The following AGTPBP1 variants were observed in gnomAD, a reference collection of about 807,000 sequenced individuals.
AGTPBP1 encodes ATP/GTP binding carboxypeptidase 1, also known as cytosolic carboxypeptidase 1.
A neutral mutation model predicts 143.9 loss-of-function variants in AGTPBP1; 70 were observed. The ratio of observed to expected loss-of-function variants is 0.49; its 90% CI spans 0.40 to 0.59. AGTPBP1 has a LOEUF of 0.59. AGTPBP1 is among the 20% of genes least tolerant of loss of function. AGTPBP1 has a pLI of 0.00. For missense variants in AGTPBP1, 1,229 were observed against 1,464.5 expected, an observed-to-expected ratio of 0.84 and a Z score of 2.62; for synonymous variants, 463 against 500.2, an observed-to-expected ratio of 0.93 and a Z score of 0.99.
intron 1 of AGTPBP1, among the ~76,000 whole-genome samples, chr9:85,724,968 C>T (rs1256089772): frequency 6.6e-6 from 1 of 152,170 alleles, no homozygotes; most frequent in Admixed American, 6.5e-5. Flanking sequence ...TATAATGGCA[C>T]ACAGTATCTA....
chr9:85,682,172 T>TAAAAAAAAAAAAAAAAAA (rs745339958), intron 3 of AGTPBP1, among the ~76,000 whole-genome samples: 1 of 85,830 alleles, frequency 1.2e-5, no homozygotes. Context: ...TAGGATTGGT[T>TAAAAAAAAAAAAAAAAAA]AAAAAAAAAA....
chr9:85,701,049 C>G (rs1338341852), intron 2 of AGTPBP1, among the ~76,000 whole-genome samples: 2 of 151,996 alleles, frequency 1.3e-5, no homozygotes, highest in Admixed American at 6.5e-5. Flanking sequence ...TCCAGAGTAG[C>G]TGGGATTACA....
rs1828553658 is a variant in AGTPBP1, at chr9:85,585,607, T to C, written c.3034-13A>G. On this transcript the variant is annotated splice_polypyrimidine_tract_variant and intron_variant, in intron 22 of 25. Coordinates refer to ENST00000357081, the MANE Select transcript of AGTPBP1 (RefSeq NM_001330701.2). ...AATCACAATAAACCTTGAAAATATA[T>C]ATTTTAAAAATTAAAAGACTTCAAG... 1.3e-6 allele frequency: 2 copies of C among 1,566,884 alleles called. No individual in the cohort carries two copies. Among genetic ancestry groups the C allele is most frequent in the Non-Finnish European group, 1.7e-6 (2 of 1,161,016 alleles).
chr9:85,699,278 C>T (rs1443190076), intron 2 of AGTPBP1, among the ~76,000 whole-genome samples: 1 of 152,156 alleles, frequency 6.6e-6, no homozygotes, highest in Non-Finnish European at 1.5e-5. Flanking sequence ...GCCACCACAT[C>T]CAGCCCAAAT....
At chr9:85,773,079 C>A in the AGTPBP1 span, among the ~76,000 whole-genome samples, 2 of 151,608 alleles carry the variant, frequency 1.3e-5, no homozygotes, top group African/African-American at 4.8e-5. Context: ...TCCTAGCTAA[C>A]ACGGTGAAAC....
At chr9:85,783,548 C>A in the AGTPBP1 span, among the ~76,000 whole-genome samples, 2 of 152,028 alleles carry the variant, frequency 1.3e-5, no homozygotes, top group African/African-American at 4.8e-5. Context: ...CAATTTACAT[C>A]AAACTCTGAG....
chr9:85,688,402 C>T (rs919002995), intron 3 of AGTPBP1, among the ~76,000 whole-genome samples: 1 of 151,886 alleles, frequency 6.6e-6, no homozygotes, highest in African/African-American at 2.4e-5. Flanking sequence ...TACAGTAAGC[C>T]TCACTAAAAA....
intron 2 of AGTPBP1, among the ~76,000 whole-genome samples, chr9:85,700,708 G>C (rs1224837540): frequency 6.6e-6 from 1 of 152,158 alleles, no homozygotes; most frequent in Non-Finnish European, 1.5e-5. Context: ...CTATGATATA[G>C]TGAGAACAAG....
intron 17 of AGTPBP1, among the ~76,000 whole-genome samples, chr9:85,597,473 T>G (rs1482493294): frequency 6.6e-6 from 1 of 152,102 alleles, no homozygotes; most frequent in African/African-American, 2.4e-5. Context: ...TTTCATGACT[T>G]GAACCAAAAT....
intron 3 of AGTPBP1, among the ~76,000 whole-genome samples, chr9:85,686,853 G>A (rs1835516082): frequency 6.6e-6 from 1 of 152,066 alleles, no homozygotes; most frequent in Non-Finnish European, 1.5e-5. Flanking sequence ...TGAGAAGAAT[G>A]TAAAAGACAT....
chr9:85,657,888 C>G (rs1833629090), intron 9 of AGTPBP1, among the ~76,000 whole-genome samples: 1 of 152,076 alleles, frequency 6.6e-6, no homozygotes, highest in Non-Finnish European at 1.5e-5. Flanking sequence ...ATCAAAATCT[C>G]TTTACTAAAA....
chr9:85,576,100 T>C (rs749769637), intron 24 of AGTPBP1, among the ~76,000 whole-genome samples: 4 of 152,180 alleles, frequency 2.6e-5, no homozygotes, highest in Non-Finnish European at 5.9e-5. Flanking sequence ...TTAACCTCCC[T>C]ATCTTTTTTA....
chr9:85,751,799 G>T, the AGTPBP1 span, among the ~76,000 whole-genome samples: 7 of 151,802 alleles, frequency 4.6e-5, no homozygotes, highest in Non-Finnish European at 7.4e-5. Flanking sequence ...TAGAGACGGG[G>T]TTTCCCCATG....
intron 1 of AGTPBP1, among the ~76,000 whole-genome samples, chr9:85,719,280 G>A (rs1837941887): frequency 6.6e-6 from 1 of 152,006 alleles, no homozygotes; most frequent in South Asian, 2.1e-4. Flanking sequence ...TCACAATATT[G>A]ATTCTTCCTA....
At chr9:85,638,353 T>G (rs1309842073) in intron 13 of AGTPBP1, among the ~76,000 whole-genome samples, 1 of 151,798 alleles carries the variant, frequency 6.6e-6, no homozygotes, top group Non-Finnish European at 1.5e-5. Flanking sequence ...AAAAGTTGAT[T>G]AAAATAAAAA....
chr9:85,700,118 G>A (rs757435635), intron 2 of AGTPBP1, among the ~76,000 whole-genome samples: 2 of 152,126 alleles, frequency 1.3e-5, no homozygotes, highest in African/African-American at 2.4e-5. Flanking sequence ...GAAAATGAGC[G>A]TGAATAAAGC....
chr9:85,627,255 C>T (rs943998058), intron 14 of AGTPBP1, among the ~76,000 whole-genome samples: 14 of 152,062 alleles, frequency 9.2e-5, no homozygotes, highest in South Asian at 6.2e-4. Flanking sequence ...TATTTATGTG[C>T]GCGCACACAC....
At chr9:85,556,422 G>GA (rs1366780796) in intron 25 of AGTPBP1, among the ~76,000 whole-genome samples, 2 of 151,788 alleles carry the variant, frequency 1.3e-5, no homozygotes, top group Non-Finnish European at 2.9e-5. Context: ...AAGAAGGTGA[G>GA]AAAAAAACAT....
intron 11 of AGTPBP1, among the ~76,000 whole-genome samples, chr9:85,650,303 TTTC>T (rs1833079705): frequency 6.6e-6 from 1 of 152,104 alleles, no homozygotes; most frequent in Non-Finnish European, 1.5e-5. Flanking sequence ...ATACACAGAT[TTTC>T]TTCTGCCTCT....
Sources: allele counts gnomAD v4.1 joint callset (sites outside exome capture counted in the v4.1 genomes callset), GRCh38; gene constraint gnomAD v4.1.1; transcripts MANE v1.5; gene names NCBI Gene and HGNC (gene_info 2026-07-23, HGNC 2026-07-21).